TMEM267: variants seen among roughly 807,000 people sequenced by gnomAD.
TMEM267 encodes transmembrane protein 267, also known as transmembrane protein C5orf28.
Under a neutral mutation model 19.3 loss-of-function variants are expected in TMEM267, and 20 were observed. That is an observed-to-expected ratio of 1.04 (90% confidence interval 0.73 to 1.51). The LOEUF is 1.51. TMEM267 is among the 40% of genes most tolerant of loss of function. The pLI is 0.00. For synonymous variants in TMEM267, 88 were observed against 90.3 expected, an observed-to-expected ratio of 0.97 and a Z score of 0.15; for missense variants, 242 against 261.9, an observed-to-expected ratio of 0.92 and a Z score of 0.52.
At chr5:43,457,156 C>A (rs143661729) in intron 1 of TMEM267, among the ~76,000 whole-genome samples, 65 of 152,224 alleles carry the variant, frequency 4.3e-4, no homozygotes, top group African/African-American at 1.5e-3. Flanking sequence ...AAAGGATGAA[C>A]CCTAATATAA....
At chr5:43,464,159 T>C (rs919530343) in intron 1 of TMEM267, among the ~76,000 whole-genome samples, 1 of 151,978 alleles carries the variant, frequency 6.6e-6, no homozygotes, top group African/African-American at 2.4e-5. Flanking sequence ...TATACACCAA[T>C]AACAGACAAA....
intron 1 of TMEM267, among the ~76,000 whole-genome samples, chr5:43,481,478 G>A (rs1400818481): frequency 6.6e-6 from 1 of 152,030 alleles, no homozygotes; most frequent in African/African-American, 2.4e-5. Context: ...TGAGCAAAGT[G>A]AAAAATCAAA....
At chr5:43,458,169 T>C (rs1025318014) in intron 1 of TMEM267, among the ~76,000 whole-genome samples, 11 of 152,218 alleles carry the variant, frequency 7.2e-5, no homozygotes, top group African/African-American at 2.7e-4. Flanking sequence ...GGTGTGAATA[T>C]GGCTCACTGC....
Position 43,467,017 on chromosome 5 carries a change from C to T in TMEM267, c.-74-12974G>A, listed in dbSNP as rs566512333. Among the ~76,000 whole-genome samples the T allele has an allele frequency of 3.2e-4, 48 of 151,524 alleles. 1 individual carries two copies. In the South Asian group the frequency reaches 8.6e-3, roughly 27 times the overall value. On this transcript the variant is annotated intron_variant, in intron 1 of 2. Coordinates refer to ENST00000397080, the MANE Select transcript of TMEM267 (RefSeq NM_022483.5). ...TATAAAAATTAGCTGTGTGTCGTGG[C>T]GCACATCTGTAGTCCCAGCTACTTG...
chr5:43,483,372 G>T (rs1430032583), intron 1 of TMEM267, among the ~76,000 whole-genome samples: 1 of 152,192 alleles, frequency 6.6e-6, no homozygotes, highest in Non-Finnish European at 1.5e-5. Flanking sequence ...CCAGGCTGCA[G>T]GGAAAGGACC....
chr5:43,446,438 A>T lies in TMEM267; in HGVS notation c.432T>A (p.Leu144=), dbSNP rs1216413282. The T allele has an allele frequency of 6.2e-7, 1 of 1,613,950 alleles. No homozygotes were observed. Among genetic ancestry groups the T allele is most frequent in the Admixed American group, 1.7e-5 (1 of 60,022 alleles). Reference sequence around the variant, plus strand: ...TCCAGGATATAAATAACATCCAGGGAAGAAAGCACCATGAGTCTTTGAGCT... The same window carrying T: ...TCCAGGATATAAATAACATCCAGGGTAGAAAGCACCATGAGTCTTTGAGCT... ...LFKLKDSWCF[L]PWMLFISWTS... Residue 144 remains leucine, a synonymous_variant, in exon 3 of 3, where the codon CTT becomes CTA. Coordinates refer to ENST00000397080, the MANE Select transcript of TMEM267 (RefSeq NM_022483.5).
At position 43,456,796 on chromosome 5, in the gene TMEM267, G is replaced by A. The variant is rs373116493; in HGVS notation, c.-74-2753C>T. On this transcript the variant is annotated intron_variant, in intron 1 of 2. Transcript: ENST00000397080. Reference sequence around the variant, plus strand: ...AACCAGAACTCATACGCTGCTGGTCGGAATAAAAAACAGTATGACTATTTT... The same window carrying A: ...AACCAGAACTCATACGCTGCTGGTCAGAATAAAAAACAGTATGACTATTTT... Among the ~76,000 whole-genome samples the A allele has an allele frequency of 3.4e-4, 52 of 152,280 alleles. 1 individual carries two copies. Among genetic ancestry groups the A allele is most frequent in the Middle Eastern group, 3.4e-3 (1 of 294 alleles).
chr5:43,474,795 C>A (rs1190264295), intron 1 of TMEM267, among the ~76,000 whole-genome samples: 2 of 150,626 alleles, frequency 1.3e-5, no homozygotes, highest in Non-Finnish European at 3.0e-5. Flanking sequence ...AAAGGCTCAT[C>A]ATCACTGGTC....
chr5:43,474,740 C>T (rs975462080), intron 1 of TMEM267, among the ~76,000 whole-genome samples: 3 of 104,156 alleles, frequency 2.9e-5, no homozygotes, highest in African/African-American at 7.9e-5. Flanking sequence ...GCCCGGGCAA[C>T]AAGAGCAAAA....
chr5:43,461,986 C>T (rs115191272), intron 1 of TMEM267, among the ~76,000 whole-genome samples: 50 of 152,290 alleles, frequency 3.3e-4, no homozygotes, highest in African/African-American at 1.2e-3. Flanking sequence ...TTGTGTGAGA[C>T]CAAGTGCCAT....
intron 2 of TMEM267, among the ~76,000 whole-genome samples, chr5:43,447,232 G>C (rs1432459552): frequency 6.6e-6 from 1 of 152,014 alleles, no homozygotes; most frequent in East Asian, 1.9e-4. Context: ...TGGGATCATA[G>C]GCACCTGCCA....
intron 1 of TMEM267, among the ~76,000 whole-genome samples, chr5:43,468,878 T>C (rs754068616): frequency 7.9e-5 from 12 of 152,214 alleles, no homozygotes; most frequent in Non-Finnish European, 1.6e-4. Flanking sequence ...GCATCTTCCC[T>C]GACCACAGTG....
chr5:43,446,547 G>A lies in TMEM267; in HGVS notation c.323C>T (p.Thr108Ile). The change falls in exon 3 of 3, where the codon ACT becomes ATT. Residue 108 changes from threonine to isoleucine, a missense_variant. Transcript: ENST00000397080. Reference protein sequence around the residue: ...AGSMSLKAALTLPRRPFLHCS... With the variant: ...AGSMSLKAALILPRRPFLHCS... ...GTGAAGGAAAGGTCTTCGCGGGAGA[G>A]TCAAAGCAGCCTGAGGGAGCAAAGT... 6.2e-7 allele frequency: 1 copy of A among 1,605,276 alleles called. No individual in the cohort carries two copies. The highest frequency in any genetic ancestry group is 8.5e-7 in the Non-Finnish European group (1 of 1,174,714).
intron 1 of TMEM267, among the ~76,000 whole-genome samples, chr5:43,481,332 C>A (rs1431826751): frequency 6.6e-6 from 1 of 151,506 alleles, no homozygotes; most frequent in Non-Finnish European, 1.5e-5. Context: ...CAGCTCCTGG[C>A]CTCAAGTGAT....
chr5:43,448,968 GA>G (rs997011137), intron 2 of TMEM267, among the ~76,000 whole-genome samples: 21 of 149,520 alleles, frequency 1.4e-4, no homozygotes, highest in Non-Finnish European at 2.8e-4. Flanking sequence ...TTCAAAAATG[GA>G]AAAAAAATAG....
chr5:43,475,203 T>C (rs1744338709), intron 1 of TMEM267, among the ~76,000 whole-genome samples: 2 of 152,134 alleles, frequency 1.3e-5, no homozygotes, highest in Non-Finnish European at 2.9e-5. Context: ...TAAAAAAGAA[T>C]GAACTCATGT....
chr5:43,480,953 C>T (rs538222080), intron 1 of TMEM267, among the ~76,000 whole-genome samples: 1 of 150,984 alleles, frequency 6.6e-6, no homozygotes, highest in South Asian at 2.1e-4. Flanking sequence ...TACAGGTGCC[C>T]GCCACCACGC....
At chr5:43,469,290 TAAAC>T (rs1743925682) in intron 1 of TMEM267, among the ~76,000 whole-genome samples, 1 of 152,080 alleles carries the variant, frequency 6.6e-6, no homozygotes, top group Non-Finnish European at 1.5e-5. Flanking sequence ...TTGGAAAAGT[TAAAC>T]AAAGACACAC....
chr5:43,461,281 G>T (rs1743241986), intron 1 of TMEM267, among the ~76,000 whole-genome samples: 1 of 152,140 alleles, frequency 6.6e-6, no homozygotes, highest in African/African-American at 2.4e-5. Context: ...AACCAGCAGT[G>T]ATACACAGGT....
Sources: allele counts gnomAD v4.1 joint callset (sites outside exome capture counted in the v4.1 genomes callset), GRCh38; gene constraint gnomAD v4.1.1; transcripts MANE v1.5; gene names NCBI Gene and HGNC (gene_info 2026-07-23, HGNC 2026-07-21).